The following C9orf152 variants were observed in gnomAD, a reference collection of about 807,000 sequenced individuals.
C9orf152 encodes chromosome 9 open reading frame 152.
C9orf152 carries 8 observed loss-of-function variants against 8.5 expected under a neutral mutation model. The ratio of observed to expected loss-of-function variants is 0.94; its 90% CI spans 0.55 to 1.70. The LOEUF (loss-of-function observed/expected upper bound fraction) is 1.70, where lower values mean the gene tolerates loss of function less well. Ranked by LOEUF, C9orf152 falls within the 40% of genes most tolerant of loss-of-function variation. The pLI is 0.00. For synonymous variants in C9orf152, 109 were observed against 113.0 expected (o/e 0.96, Z 0.22); for missense variants, 293 against 286.2 (o/e 1.02, Z -0.17).
Position 110,201,460 on chromosome 9 carries a change from C to G in C9orf152, c.208G>C (p.Ala70Pro). The stretch of plus-strand genomic sequence containing the variant: ...GCATTGACCATCGATTCTGCAGGAG[C>G]AGGTGTGTTTCCTCCTGAAAAGAGA... ...LVLPKGGNTP[A>P]PAESMVNAVW... Residue 70 changes from alanine (A) to proline (P), a missense_variant, in exon 2 of 2, where the codon GCT (alanine) becomes CCT (proline). Ala to Pro is a conservative substitution (Grantham distance 27). Transcript: ENST00000400613. 1.3e-6 allele frequency: 2 copies of G among 1,511,598 alleles called. No individual in the cohort carries two copies. The highest frequency in any genetic ancestry group is 1.3e-5 in the South Asian group (1 of 75,040). The allele number at this position is 1,511,598 out of a possible 1,614,324, so 93.6% of individuals were successfully genotyped here.
rs1837207308 is a variant in C9orf152 at position 110,200,865 on chromosome 9, C to T, written c.*83G>A. ...TCCAGTTCTTGCTCATAGCTAGAGA[C>T]CTCGTTGTGGCTCTGCCTCCTTGGT... On this transcript the variant is annotated 3_prime_UTR_variant, in exon 2 of 2. Transcript: ENST00000400613. The T allele has an allele frequency of 7.3e-7, 1 of 1,374,544 alleles. No homozygotes were observed. The highest frequency in any genetic ancestry group is 1.4e-5 in the South Asian group (1 of 70,976). 85.1% of individuals were successfully genotyped at this position (1,374,544 alleles called of 1,614,324 possible). A position where few individuals can be genotyped will look rare whatever the true frequency, so the allele number is the denominator to read the frequency against.
chr9:110,200,992 T>A lies in C9orf152; in HGVS notation c.676A>T (p.Ile226Phe), dbSNP rs138115746. 4 of 1,613,842 alleles carry A rather than the reference T, an allele frequency of 2.5e-6. No homozygotes were observed. The African/African-American group carries it at 5.3e-5, about 22-fold the overall frequency. ...CCCAGGTTCCGGGCAGCTTGGGAGA[T>A]CCTGGGTGTTTTCCTCTGGGGAAAT... ...YPFPQRKTPRISQAARNLGLY... is the reference protein window; with the variant it reads ...YPFPQRKTPRFSQAARNLGLY... Residue 226 changes from isoleucine to phenylalanine, a missense_variant, in exon 2 of 2, where the codon ATC becomes TTC. Transcript: ENST00000400613.
At chr9:110,206,873 T>C (rs1450271400) in intron 1 of C9orf152, among the ~76,000 whole-genome samples, 1 of 152,180 alleles carries the variant, frequency 6.6e-6, no homozygotes, top group Non-Finnish European at 1.5e-5. Context: ...GGAGGAGGTT[T>C]CTCCCCATGA....
intron 1 of C9orf152, among the ~76,000 whole-genome samples, chr9:110,205,831 A>G (rs1034226609): frequency 6.6e-6 from 1 of 152,110 alleles, no homozygotes; most frequent in Non-Finnish European, 1.5e-5. Context: ...AGGTGGGTGG[A>G]TCACCTGAGG....
Position 110,201,328 on chromosome 9 carries a change from T to TG in C9orf152, c.339dup (p.Lys114GlnfsTer28). 1 of 1,612,860 alleles carries TG rather than the reference T, an allele frequency of 6.2e-7. No individual in the cohort carries two copies. Among genetic ancestry groups the TG allele is most frequent in the Non-Finnish European group, 8.5e-7 (1 of 1,179,332 alleles). ...TCCAGGTGCGTGTGCCATGGAGACT[T>TG]GGGGGCCTGAAGGCAGCCCTGGGCA... On this transcript the variant is annotated frameshift_variant, in exon 2 of 2. Coordinates refer to ENST00000400613, the MANE Select transcript of C9orf152 (RefSeq NM_001012993.3). LOFTEE classifies it low-confidence loss of function (END_TRUNC).
At chr9:110,201,872 G>T (rs1225365105) in intron 1 of C9orf152, among the ~76,000 whole-genome samples, 2 of 152,106 alleles carry the variant, frequency 1.3e-5, no homozygotes, top group African/African-American at 4.8e-5. Context: ...TCAATGCAAT[G>T]GAAAATCTCA....
chr9:110,206,730 C>T (rs538998016), intron 1 of C9orf152, among the ~76,000 whole-genome samples: 13 of 152,354 alleles, frequency 8.5e-5, no homozygotes, highest in Non-Finnish European at 1.9e-4. Context: ...CAGCTTTGAC[C>T]TTTCAGGGTA....
At chr9:110,207,347 A>ATGG in intron 1 of C9orf152, 40 bp downstream of exon 1, 1 of 1,591,004 alleles carries the variant, frequency 6.3e-7, no homozygotes, top group South Asian at 1.1e-5. Flanking sequence ...CAGGTCTCCC[A>ATGG]TGGTAAGTCT....
rs898971211 is a variant in C9orf152 at position 110,201,369 on chromosome 9, C to T, written c.299G>A (p.Gly100Glu). ...SLEEADSEVE[G>E]RLEEAAQGCL... ...GCCCTGGGCAGCCTCCTCCAGCCTC[C>T]CCTCCACCTCAGAATCTGCCTCTTC... is the stretch of plus-strand genomic sequence containing the variant. The change falls in exon 2 of 2, where the codon GGG becomes GAG. Residue 100 changes from glycine to glutamate, a missense_variant. Transcript: ENST00000400613. The T allele has an allele frequency of 6.2e-7, 1 of 1,602,014 alleles. No individual in the cohort carries two copies. Among genetic ancestry groups the T allele is most frequent in the African/African-American group, 1.3e-5 (1 of 74,512 alleles).
chr9:110,203,561 C>T (rs1480356736), intron 1 of C9orf152, among the ~76,000 whole-genome samples: 1 of 152,184 alleles, frequency 6.6e-6, no homozygotes, highest in Non-Finnish European at 1.5e-5. Context: ...CTGAGAATCA[C>T]CATGAGCCTT....
At chr9:110,206,385 A>G (rs1837274694) in intron 1 of C9orf152, among the ~76,000 whole-genome samples, 1 of 152,216 alleles carries the variant, frequency 6.6e-6, no homozygotes, top group Non-Finnish European at 1.5e-5. Context: ...TAAATTGATA[A>G]ATGTTTGTTG....
rs1029188635 is a variant in C9orf152, at chr9:110,202,040, T to G, written c.194-566A>C. Among the ~76,000 whole-genome samples the G allele has an allele frequency of 9.2e-5, 14 of 152,102 alleles. 1 individual carries two copies. Among genetic ancestry groups the G allele is most frequent in the Admixed American group, 6.6e-5 (1 of 15,256 alleles). Reference sequence around the variant, plus strand: ...TCTCACCAGTGGAAAAGATTATTCTTAACTTACGGGGTTTTGTGTTCTGGG... The same window carrying G: ...TCTCACCAGTGGAAAAGATTATTCTGAACTTACGGGGTTTTGTGTTCTGGG... On this transcript the variant is annotated intron_variant, in intron 1 of 1. Coordinates refer to ENST00000400613, the MANE Select transcript of C9orf152 (RefSeq NM_001012993.3).
intron 1 of C9orf152, among the ~76,000 whole-genome samples, chr9:110,205,287 C>G (rs1336516113): frequency 6.6e-6 from 1 of 151,860 alleles, no homozygotes; most frequent in Non-Finnish European, 1.5e-5. Context: ...CACAAAAAGC[C>G]TTTTTCTCCT....
At position 110,200,808 on chromosome 9, in the gene C9orf152, T is replaced by C. The variant is rs190693435; in HGVS notation, c.*140A>G. The C allele has an allele frequency of 3.6e-5, 31 of 857,138 alleles. No individual in the cohort carries two copies. In the East Asian group the frequency reaches 6.9e-4, roughly 19 times the overall value. 53.1% of individuals were successfully genotyped at this position (857,138 alleles called of 1,614,324 possible). A position where few individuals can be genotyped will look rare whatever the true frequency, so the allele number is the denominator to read the frequency against. ...GTAAAACCATGTTACCATTGTGAAG[T>C]TCGTCTCCCACAATTCCTATAATTA... On this transcript the variant is annotated 3_prime_UTR_variant, in exon 2 of 2. Coordinates refer to ENST00000400613, the MANE Select transcript of C9orf152 (RefSeq NM_001012993.3).
chr9:110,203,011 C>CTT lies in C9orf152; in HGVS notation c.194-1539_194-1538dup, dbSNP rs557519165. On this transcript the variant is annotated intron_variant, in intron 1 of 1. Transcript: ENST00000400613. ...TTTCCAGCATGAAATGAAGAAAACA[C>CTT]TTTTTTTTTTTTTTTTTTTTTGAGA... 9.3e-4 allele frequency among the ~76,000 whole-genome samples: 92 copies of CTT among 98,646 alleles called. 1 individual carries two copies. Among genetic ancestry groups the CTT allele is most frequent in the African/African-American group, 2.6e-3 (62 of 23,822 alleles). 64.7% of individuals were successfully genotyped at this position (98,646 alleles called of 152,430 possible).
Position 110,200,901 on chromosome 9 carries a change from G to T in C9orf152, c.*47C>A. On this transcript the variant is annotated 3_prime_UTR_variant, in exon 2 of 2. Transcript: ENST00000400613. Reference sequence around the variant, plus strand: ...CTCTGCCTCCTTGGTTCTTCTATAAGGCCATAGGTGGCCTCAAGGTCAAGA... The same window carrying T: ...CTCTGCCTCCTTGGTTCTTCTATAATGCCATAGGTGGCCTCAAGGTCAAGA... 1 of 1,538,860 alleles carries T rather than the reference G, an allele frequency of 6.5e-7. No individual in the cohort carries two copies.
At chr9:110,202,953 C>T (rs944288052) in intron 1 of C9orf152, among the ~76,000 whole-genome samples, 4 of 151,842 alleles carry the variant, frequency 2.6e-5, no homozygotes, top group African/African-American at 7.3e-5. Context: ...AGATTTGTTC[C>T]GGCTTTGTAA....
At position 110,200,693 on chromosome 9, in the gene C9orf152, A is replaced by G; in HGVS notation, c.*255T>C. The G allele has an allele frequency of 2.6e-6, 1 of 384,204 alleles. No homozygotes were observed. The highest frequency in any genetic ancestry group is 4.3e-5 in the Admixed American group (1 of 23,466). The allele number at this position is 384,204 out of a possible 1,614,324, so 23.8% of individuals were successfully genotyped here. ...GAATGGATATCCAGGACCTCATAGT[A>G]ATGTCAGAATGGGGCTGCACTGACC... is the stretch of plus-strand genomic sequence containing the variant. On this transcript the variant is annotated 3_prime_UTR_variant, in exon 2 of 2. Coordinates refer to ENST00000400613, the MANE Select transcript of C9orf152 (RefSeq NM_001012993.3).
In C9orf152 at chr9:110,200,800, T is replaced by A; in HGVS notation, c.*148A>T. 1.2e-6 allele frequency: 1 copy of A among 806,900 alleles called. No individual in the cohort carries two copies. Among genetic ancestry groups the A allele is most frequent in the Non-Finnish European group, 2.0e-6 (1 of 510,610 alleles). The allele number at this position is 806,900 out of a possible 1,614,324, so 50.0% of individuals were successfully genotyped here. On this transcript the variant is annotated 3_prime_UTR_variant, in exon 2 of 2. Transcript: ENST00000400613. ...TTGGAAGGGTAAAACCATGTTACCA[T>A]TGTGAAGTTCGTCTCCCACAATTCC... is the stretch of plus-strand genomic sequence containing the variant.
Sources: gnomAD v4.1 joint callset for allele counts (sites outside exome capture counted in the v4.1 genomes callset) on GRCh38, gnomAD v4.1.1 for gene constraint, MANE v1.5 for transcripts, NCBI Gene and HGNC (gene_info 2026-07-23, HGNC 2026-07-21) for gene names.